The following HP1BP3 variants were observed in gnomAD, a reference collection of about 807,000 sequenced individuals.
The protein encoded by HP1BP3 is heterochromatin protein 1 binding protein 3.
A neutral mutation model predicts 62.5 loss-of-function variants in HP1BP3; 12 were observed. The ratio of observed to expected loss-of-function variants is 0.19; its 90% CI spans 0.12 to 0.31. HP1BP3 has a LOEUF of 0.31. HP1BP3 is among the 10% of genes least tolerant of loss of function. HP1BP3 has a pLI of 1.00. For missense variants in HP1BP3, 502 were observed against 651.8 expected (o/e 0.77, Z 2.50); for synonymous variants, 260 against 237.8 (o/e 1.09, Z -0.86).
At chr1:20,758,358 T>A (rs2056252692) in intron 8 of HP1BP3, among the ~76,000 whole-genome samples, 1 of 151,988 alleles carries the variant, frequency 6.6e-6, no homozygotes, top group African/African-American at 2.4e-5. Context: ...ACTCCTTTTT[T>A]TTTTTGAGAC....
chr1:20,778,408 C>T (rs554670263), intron 3 of HP1BP3, among the ~76,000 whole-genome samples: 1 of 152,180 alleles, frequency 6.6e-6, no homozygotes, highest in African/African-American at 2.4e-5. Flanking sequence ...TGTGAAGTGA[C>T]ACTGTTTCTT....
chr1:20,743,532 G>C lies in HP1BP3; in HGVS notation c.*1265C>G, dbSNP rs2055146317. Reference sequence around the variant, plus strand: ...CAAAAAATTAGCTGGGCGTGGTCGTGTGCGCCTGTAGGACCCAACTCAGGA... The same window carrying C: ...CAAAAAATTAGCTGGGCGTGGTCGTCTGCGCCTGTAGGACCCAACTCAGGA... On this transcript the variant is annotated 3_prime_UTR_variant, in exon 13 of 13. Coordinates refer to ENST00000438032, the MANE Select transcript of HP1BP3 (RefSeq NM_001372052.1). The C allele has an allele frequency of 6.6e-6, 1 of 151,804 alleles. No individual in the cohort carries two copies. Among genetic ancestry groups the C allele is most frequent in the Non-Finnish European group, 1.5e-5 (1 of 67,996 alleles). 9.4% of individuals were successfully genotyped at this position (151,804 alleles called of 1,614,324 possible).
intron 1 of HP1BP3, among the ~76,000 whole-genome samples, chr1:20,782,222 G>A (rs559851023): frequency 6.6e-6 from 1 of 152,230 alleles, no homozygotes; most frequent in African/African-American, 2.4e-5. Flanking sequence ...AGGATCCCTT[G>A]AAGCTAGAAA....
rs540881751 is a variant in HP1BP3, at chr1:20,776,954, T to C, written c.197-204A>G. ...TCCTGGTCAGGTGGTTATTTATCTA[T>C]TATTAGAAAAATAGACCAGGAAATT... is the stretch of plus-strand genomic sequence containing the variant. On this transcript the variant is annotated intron_variant, in intron 3 of 12. Transcript: ENST00000438032. Among the ~76,000 whole-genome samples the C allele has an allele frequency of 4.6e-5, 7 of 152,304 alleles. No individual in the cohort carries two copies. In the East Asian group the frequency reaches 1.3e-3, roughly 29 times the overall value.
At position 20,743,002 on chromosome 1, in the gene HP1BP3, G is replaced by A. The variant is rs959351695; in HGVS notation, c.*1795C>T. 3.3e-5 allele frequency: 5 copies of A among 152,540 alleles called. No homozygotes were observed. Among genetic ancestry groups the A allele is most frequent in the African/African-American group, 1.2e-4 (5 of 41,444 alleles). 9.4% of individuals were successfully genotyped at this position (152,540 alleles called of 1,614,324 possible). ...AAAATGTCAAGTGCCACAGGGAAGA[G>A]AAATGATAACCAGAAATTTGTATTT... On this transcript the variant is annotated 3_prime_UTR_variant, in exon 13 of 13. Coordinates refer to ENST00000438032, the MANE Select transcript of HP1BP3 (RefSeq NM_001372052.1).
chr1:20,755,510 G>C, intron 9 of HP1BP3: 1 of 346,722 alleles, frequency 2.9e-6, no homozygotes, highest in Non-Finnish European at 6.1e-6. Context: ...GGGAGGTGGA[G>C]GTTGCAGTGA....
intron 8 of HP1BP3, among the ~76,000 whole-genome samples, chr1:20,762,861 T>C (rs1345610946): frequency 6.6e-6 from 1 of 152,182 alleles, no homozygotes; most frequent in African/African-American, 2.4e-5. Context: ...CTTGGCAAAA[T>C]AAACTTTCTA....
Position 20,767,574 on chromosome 1 carries a change from G to C in HP1BP3, c.735+10C>G, listed in dbSNP as rs780650408. The C allele has an allele frequency of 3.2e-6, 5 of 1,577,524 alleles. No homozygotes were observed. Among genetic ancestry groups the C allele is most frequent in the Admixed American group, 1.7e-5 (1 of 58,398 alleles). ...TCCACAGCACTCAAACTGTGGTATA[G>C]ATGTCTTACCTTTCTGTTTCTGGAT... On this transcript the variant is annotated intron_variant, in intron 7 of 12. Transcript: ENST00000438032.
At chr1:20,771,099 GT>G (rs200157360) in intron 5 of HP1BP3, 26 bp from the exon 6 acceptor site, 151 of 1,537,784 alleles carry the variant, frequency 9.8e-5, no homozygotes, top group Admixed American at 2.7e-4. Context: ...TAAACTAGTT[GT>G]TTTTTTTTAT....
At chr1:20,761,435 G>A (rs1213810879) in intron 8 of HP1BP3, among the ~76,000 whole-genome samples, 3 of 152,154 alleles carry the variant, frequency 2.0e-5, no homozygotes, top group Non-Finnish European at 2.9e-5. Flanking sequence ...ACAAAGTCAG[G>A]GTTTTTGGTT....
At chr1:20,787,110 C>G (rs2057881361) in intron 1 of HP1BP3, 85 bp downstream of exon 1, 2 of 151,654 alleles carry the variant, frequency 1.3e-5, no homozygotes, top group African/African-American at 4.8e-5. Context: ...GCGTCGGCGC[C>G]CCGGGCGAGC....
chr1:20,767,757 A>C, intron 6 of HP1BP3, 93 bp from the exon 7 acceptor site: 1 of 747,832 alleles, frequency 1.3e-6, no homozygotes, highest in East Asian at 2.6e-5. Flanking sequence ...GCTAATGTAA[A>C]GTGGTGTTTA....
intron 1 of HP1BP3, among the ~76,000 whole-genome samples, chr1:20,783,834 CAA>C (rs1337581384): frequency 6.8e-6 from 1 of 146,088 alleles, no homozygotes; most frequent in Non-Finnish European, 1.5e-5. Context: ...TAATAAAAGT[CAA>C]AGTCATAGAA....
rs960918545 is a variant in HP1BP3, at chr1:20,749,629, G to A, written c.1141+94C>T. 8.9e-6 allele frequency: 11 copies of A among 1,239,924 alleles called. No individual in the cohort carries two copies. The East Asian group carries it at 2.6e-4, about 30-fold the overall frequency. 76.8% of individuals were successfully genotyped at this position (1,239,924 alleles called of 1,614,324 possible). On this transcript the variant is annotated intron_variant, in intron 10 of 12. Coordinates refer to ENST00000438032, the MANE Select transcript of HP1BP3 (RefSeq NM_001372052.1). ...CCGCCTCAGCCTCCCAAAGTGCTGG[G>A]ATTACAGGCGTGAGCCACAGTGCCT...
intron 1 of HP1BP3, among the ~76,000 whole-genome samples, chr1:20,782,067 G>A (rs981302938): frequency 2.6e-5 from 4 of 152,084 alleles, no homozygotes; most frequent in African/African-American, 7.2e-5. Context: ...CTTAACCCAC[G>A]ATAACACTAG....
intron 11 of HP1BP3, among the ~76,000 whole-genome samples, chr1:20,746,883 G>T (rs1345350518): frequency 6.6e-6 from 1 of 152,178 alleles, no homozygotes; most frequent in African/African-American, 2.4e-5. Context: ...GGGTGTGGTG[G>T]CGCGCACCTG....
At chr1:20,750,322 A>AC (rs2055636408) in intron 9 of HP1BP3, 3 of 139,168 alleles carry the variant, frequency 2.2e-5, no homozygotes, top group East Asian at 2.1e-4. Flanking sequence ...CTCTACTAAA[A>AC]ACACACACAC....
At chr1:20,784,502 C>G (rs1288352931) in intron 1 of HP1BP3, among the ~76,000 whole-genome samples, 1 of 138,504 alleles carries the variant, frequency 7.2e-6, no homozygotes, top group African/African-American at 2.8e-5. Context: ...TTTTTGAGAC[C>G]GAGTCTTGCT....
chr1:20,757,781 A>G (rs993868828), intron 8 of HP1BP3, among the ~76,000 whole-genome samples: 2 of 152,160 alleles, frequency 1.3e-5, no homozygotes, highest in African/African-American at 2.4e-5. Context: ...CAATATGCCC[A>G]GTTCTTCTTC....
Sources: gnomAD v4.1 joint callset for allele counts (sites outside exome capture counted in the v4.1 genomes callset) on GRCh38, gnomAD v4.1.1 for gene constraint, MANE v1.5 for transcripts, NCBI Gene and HGNC (gene_info 2026-07-23, HGNC 2026-07-21) for gene names.